Variants in NRXN3 observed in about 807,000 individuals in gnomAD.
The protein encoded by NRXN3 is neurexin 3, also known as neurexin III.
NRXN3 carries 32 observed loss-of-function variants against 137.6 expected under a neutral mutation model. That is an observed-to-expected ratio of 0.23 (90% CI 0.18 to 0.31). The LOEUF (loss-of-function observed/expected upper bound fraction) is 0.31. Among genes scored for constraint, NRXN3 ranks in the 10% least tolerant of loss-of-function variants. The pLI is 1.00. For synonymous variants in NRXN3, 798 were observed against 784.5 expected, an observed-to-expected ratio of 1.02 and a Z score of -0.29; for missense variants, 1,574 against 2,062.5, an observed-to-expected ratio of 0.76 and a Z score of 4.59.
At chr14:78,240,589 C>T (rs2066956048) in intron 1 of NRXN3, among the ~76,000 whole-genome samples, 1 of 152,204 alleles carries the variant, frequency 6.6e-6, no homozygotes, top group African/African-American at 2.4e-5. Flanking sequence ...TGTAAGCTCC[C>T]CGTTAAAACC....
intron 16 of NRXN3, among the ~76,000 whole-genome samples, chr14:79,603,369 T>C (rs178348): frequency 0.47 from 70,711 of 152,002 alleles, 18,746 homozygotes; most frequent in African/African-American, 0.74. Flanking sequence ...TGGAATTACA[T>C]GTGTCTTATT....
At chr14:79,845,679 G>A (rs970626822) in intron 20 of NRXN3, among the ~76,000 whole-genome samples, 12 of 117,524 alleles carry the variant, frequency 1.0e-4, no homozygotes, top group Non-Finnish European at 1.6e-4. Flanking sequence ...ACGGAGACGG[G>A]GAGAGAGACG....
intron 4 of NRXN3, among the ~76,000 whole-genome samples, chr14:78,592,089 G>A (rs1054626290): frequency 2.6e-5 from 4 of 152,238 alleles, no homozygotes; most frequent in African/African-American, 9.6e-5. Flanking sequence ...AACAGGTCTT[G>A]AAAATGTATG....
At chr14:79,454,416 A>C (rs1165770170) in intron 15 of NRXN3, among the ~76,000 whole-genome samples, 1 of 151,968 alleles carries the variant, frequency 6.6e-6, no homozygotes, top group African/African-American at 2.4e-5. Context: ...GGGTTTCTCC[A>C]TGTTGGTCAG....
chr14:78,269,422 A>G (rs1473278786), intron 2 of NRXN3, among the ~76,000 whole-genome samples: 2 of 152,196 alleles, frequency 1.3e-5, no homozygotes, highest in African/African-American at 4.8e-5. Flanking sequence ...GTACATTGGT[A>G]GTTTTCAGGG....
chr14:78,299,745 C>A (rs1402649380), intron 4 of NRXN3, among the ~76,000 whole-genome samples: 5 of 152,168 alleles, frequency 3.3e-5, no homozygotes, highest in African/African-American at 1.2e-4. Context: ...TATTATATTC[C>A]TTATGCACAC....
chr14:78,890,703 A>G (rs924356862), intron 10 of NRXN3, among the ~76,000 whole-genome samples: 3 of 151,974 alleles, frequency 2.0e-5, no homozygotes, highest in Non-Finnish European at 4.4e-5. Context: ...GTCCAATCCT[A>G]TAGATCCCAC....
intron 4 of NRXN3, among the ~76,000 whole-genome samples, chr14:78,559,955 AATT>A (rs1315586323): frequency 6.6e-6 from 1 of 152,138 alleles, no homozygotes; most frequent in Non-Finnish European, 1.5e-5. Context: ...TTGGATTGTA[AATT>A]GCATCTTTCT....
At position 78,815,835 on chromosome 14, in the gene NRXN3, T is replaced by C. The variant is rs564191500; in HGVS notation, c.2275+5491T>C. 5.3e-5 allele frequency among the ~76,000 whole-genome samples: 8 copies of C among 152,274 alleles called. No homozygotes were observed. The South Asian group carries it at 1.2e-3, about 24-fold the overall frequency. On this transcript the variant is annotated intron_variant, in intron 10 of 20. Coordinates refer to ENST00000335750, the MANE Select transcript of NRXN3 (RefSeq NM_001330195.2). ...CACTAAAAGTCATTCTCAAAGGAAA[T>C]TGTAGAACCCTCTTTGGTATCCATT... is the stretch of plus-strand genomic sequence containing the variant.
intron 10 of NRXN3, among the ~76,000 whole-genome samples, chr14:78,831,620 G>A (rs1359515570): frequency 1.3e-5 from 2 of 149,992 alleles, no homozygotes; most frequent in Non-Finnish European, 3.0e-5. Context: ...TTTCATGGGT[G>A]AATATCAACA....
At chr14:79,314,007 G>A (rs1385747415) in intron 15 of NRXN3, 1 of 151,462 alleles carries the variant, frequency 6.6e-6, no homozygotes, top group Non-Finnish European at 1.5e-5. Flanking sequence ...AGGAGGAGAG[G>A]CGCTCTGCGT....
At chr14:79,671,606 G>T (rs1180660149) in intron 17 of NRXN3, among the ~76,000 whole-genome samples, 1 of 152,014 alleles carries the variant, frequency 6.6e-6, no homozygotes, top group Non-Finnish European at 1.5e-5. Flanking sequence ...TAATAGTCTT[G>T]CTTGGGGAGT....
At chr14:78,924,379 T>G (rs1239584193) in intron 10 of NRXN3, among the ~76,000 whole-genome samples, 1 of 152,126 alleles carries the variant, frequency 6.6e-6, no homozygotes, top group African/African-American at 2.4e-5. Flanking sequence ...AAAATAGATA[T>G]CATAAGCCCT....
At chr14:79,424,236 G>A (rs536176439) in intron 15 of NRXN3, among the ~76,000 whole-genome samples, 2 of 152,196 alleles carry the variant, frequency 1.3e-5, no homozygotes, top group South Asian at 4.1e-4. Context: ...TACAAATTAA[G>A]ACAAATATTC....
At chr14:79,325,282 A>G (rs768771189) in intron 15 of NRXN3, among the ~76,000 whole-genome samples, 1 of 152,158 alleles carries the variant, frequency 6.6e-6, no homozygotes, top group Admixed American at 6.5e-5. Flanking sequence ...TTTACTTAGC[A>G]TCTAGGCCAG....
At chr14:78,187,650 G>A (rs568384430) in intron 1 of NRXN3, among the ~76,000 whole-genome samples, 9 of 152,114 alleles carry the variant, frequency 5.9e-5, no homozygotes, top group African/African-American at 2.2e-4. Context: ...TTCTGGTGAT[G>A]GATGGAGCAG....
intron 16 of NRXN3, among the ~76,000 whole-genome samples, chr14:79,656,637 G>A (rs1260177967): frequency 7.7e-6 from 1 of 129,630 alleles, no homozygotes. Flanking sequence ...TTTTTTGCTT[G>A]GAGTCAGAGA....
chr14:78,564,376 G>A (rs2096817853), intron 4 of NRXN3, among the ~76,000 whole-genome samples: 1 of 152,182 alleles, frequency 6.6e-6, no homozygotes, highest in Non-Finnish European at 1.5e-5. Context: ...TCCTCAGAAT[G>A]TCTATTTAAC....
chr14:78,620,941 A>G (rs1393986497), intron 4 of NRXN3, among the ~76,000 whole-genome samples: 1 of 152,192 alleles, frequency 6.6e-6, no homozygotes, highest in Non-Finnish European at 1.5e-5. Flanking sequence ...AGTCTCCAGA[A>G]TTTGAGAGGA....
Sources: gnomAD v4.1 joint callset for allele counts (sites outside exome capture counted in the v4.1 genomes callset) on GRCh38, gnomAD v4.1.1 for gene constraint, MANE v1.5 for transcripts, NCBI Gene and HGNC (gene_info 2026-07-23, HGNC 2026-07-21) for gene names.